LCORL: variants seen among roughly 807,000 people sequenced by gnomAD.
LCORL encodes ligand dependent nuclear receptor corepressor like.
In LCORL, 41 loss-of-function variants were observed where a neutral mutation model predicts 141.8. The observed-to-expected ratio is 0.29, with a 90% CI of 0.23 to 0.38. The LOEUF is 0.38. Among genes scored for constraint, LCORL ranks in the 10% least tolerant of loss-of-function variants. The pLI is 1.00. For missense variants in LCORL, 1,759 were observed against 2,035.0 expected (o/e 0.86, Z 2.61); for synonymous variants, 618 against 694.1 (o/e 0.89, Z 1.72).
intron 2 of LCORL, among the ~76,000 whole-genome samples, chr4:17,964,372 A>C (rs769685718): frequency 1.2e-4 from 18 of 152,274 alleles, no homozygotes; most frequent in Non-Finnish European, 1.6e-4. Context: ...ATTAAATGAA[A>C]AAATGTAAAA....
chr4:18,002,199 T>C (rs1408067018), intron 1 of LCORL, among the ~76,000 whole-genome samples: 2 of 152,192 alleles, frequency 1.3e-5, no homozygotes, highest in African/African-American at 4.8e-5. Context: ...TTGGTGGCTC[T>C]ACAAGATTGA....
chr4:17,924,334 G>A (rs1338642598), intron 4 of LCORL, among the ~76,000 whole-genome samples: 2 of 152,156 alleles, frequency 1.3e-5, no homozygotes, highest in African/African-American at 4.8e-5. Flanking sequence ...CACGAACAAA[G>A]TGACCATGGT....
intron 4 of LCORL, among the ~76,000 whole-genome samples, chr4:17,917,487 C>T (rs1435346540): frequency 6.6e-6 from 1 of 152,240 alleles, no homozygotes; most frequent in Non-Finnish European, 1.5e-5. Context: ...GCCACTGCGC[C>T]AGCTGAGATA....
chr4:18,011,259 T>A (rs1055145230), intron 1 of LCORL, among the ~76,000 whole-genome samples: 1 of 152,180 alleles, frequency 6.6e-6, no homozygotes. Flanking sequence ...AATGTCTTAA[T>A]ACATTCAAGT....
intron 7 of LCORL, among the ~76,000 whole-genome samples, chr4:17,870,157 T>A (rs185337681): frequency 4.3e-4 from 66 of 152,210 alleles, no homozygotes; most frequent in African/African-American, 1.4e-3. Flanking sequence ...TTGCTCTTTT[T>A]TAAAAAAAAT....
At chr4:17,874,069 C>T (rs1466399661) in exon 7 of LCORL, 2 of 1,233,610 alleles carry the variant, frequency 1.6e-6, no homozygotes, top group Non-Finnish European at 2.0e-6. Context: ...GTTTCTCCCT[C>T]AGTCTTATTT....
At chr4:17,902,943 T>C (rs1374066192) in intron 5 of LCORL, among the ~76,000 whole-genome samples, 1 of 152,108 alleles carries the variant, frequency 6.6e-6, no homozygotes, top group Non-Finnish European at 1.5e-5. Context: ...TACATGGTGG[T>C]ACAATAGTTA....
exon 7 of LCORL, chr4:17,875,647 C>T: frequency 8.1e-7 from 1 of 1,231,276 alleles, no homozygotes; most frequent in Non-Finnish European, 1.0e-6. Context: ...CTAAAGGGCT[C>T]ATTCTGGCAA....
intron 4 of LCORL, among the ~76,000 whole-genome samples, chr4:17,946,636 A>G (rs549962828): frequency 6.6e-6 from 1 of 151,984 alleles, no homozygotes; most frequent in Non-Finnish European, 1.5e-5. Context: ...GATAATGACA[A>G]AATAGTATCT....
At chr4:18,003,026 T>G (rs1222979227) in intron 1 of LCORL, among the ~76,000 whole-genome samples, 1 of 152,188 alleles carries the variant, frequency 6.6e-6, no homozygotes, top group Non-Finnish European at 1.5e-5. Context: ...ACAATACATA[T>G]TTTTTTAAAT....
chr4:17,862,170 T>C (rs62410179), intron 7 of LCORL, among the ~76,000 whole-genome samples: 3,347 of 152,290 alleles, frequency 0.022, 52 homozygotes, highest in Non-Finnish European at 0.035. Context: ...GGTAAAGACA[T>C]ACCTGAGACT....
intron 4 of LCORL, among the ~76,000 whole-genome samples, chr4:17,916,033 T>C (rs1733340275): frequency 6.6e-6 from 1 of 152,202 alleles, no homozygotes; most frequent in Non-Finnish European, 1.5e-5. Flanking sequence ...CTTGTATTTG[T>C]TTTATCTGAG....
intron 1 of LCORL, among the ~76,000 whole-genome samples, chr4:18,015,053 T>C (rs958343750): frequency 1.3e-5 from 2 of 152,174 alleles, no homozygotes; most frequent in Non-Finnish European, 2.9e-5. Context: ...GTTATTACAA[T>C]TGAAAGATGA....
At position 18,021,356 on chromosome 4, in the gene LCORL, AAACT is replaced by A. The variant is rs1377248034; in HGVS notation, c.154+238_154+241del. 6.6e-6 allele frequency among the ~76,000 whole-genome samples: 1 copy of A among 152,098 alleles called. No homozygotes were observed. The highest frequency in any genetic ancestry group is 2.4e-5 in the African/African-American group (1 of 41,426). ...CCGCGGGGGCTCAGCAAGCGGGTCCAAACTAACAGTTCCCGGGGAGCCCAAGAGC... is the reference window on the plus strand; with the variant it reads ...CCGCGGGGGCTCAGCAAGCGGGTCCAAACAGTTCCCGGGGAGCCCAAGAGC... On this transcript the variant is annotated intron_variant, in intron 1 of 7. Transcript: ENST00000635767. This position sits in a 1 kb window ranked among gnomAD's most constrained non-coding sequence, Gnocchi z 5.5.
chr4:17,954,162 CA>C (rs1712085412), intron 4 of LCORL, among the ~76,000 whole-genome samples: 1 of 151,982 alleles, frequency 6.6e-6, no homozygotes, highest in Non-Finnish European at 1.5e-5. Context: ...GACTCCATCT[CA>C]AAAACAAACA....
chr4:17,905,971 G>T (rs1731543796), intron 5 of LCORL, among the ~76,000 whole-genome samples: 1 of 152,090 alleles, frequency 6.6e-6, no homozygotes, highest in Non-Finnish European at 1.5e-5. Context: ...TGAAATATGG[G>T]TTTATACTTT....
intron 2 of LCORL, among the ~76,000 whole-genome samples, chr4:17,966,276 GA>G (rs1714850590): frequency 6.6e-6 from 1 of 151,660 alleles, no homozygotes; most frequent in Non-Finnish European, 1.5e-5. Context: ...AGCCAATGAA[GA>G]AAAAAAGAGA....
chr4:17,845,319 C>T (rs1002055342), exon 8 of LCORL: 7 of 155,146 alleles, frequency 4.5e-5, no homozygotes, highest in Non-Finnish European at 7.2e-5. Flanking sequence ...CAATTTGCTT[C>T]GAGGTAGTTG....
intron 1 of LCORL, among the ~76,000 whole-genome samples, chr4:17,973,441 T>C (rs968791559): frequency 1.3e-5 from 2 of 151,886 alleles, no homozygotes; most frequent in African/African-American, 4.8e-5. Flanking sequence ...ACTGAAAATC[T>C]TACCAAGTTA....
Sources: gnomAD v4.1 joint callset for allele counts (sites outside exome capture counted in the v4.1 genomes callset) on GRCh38, gnomAD v4.1.1 for gene constraint, Gnocchi (gnomAD v3.1) non-coding constraint, MANE v1.5 for transcripts, NCBI Gene and HGNC (gene_info 2026-07-23, HGNC 2026-07-21) for gene names.